TMC1: variants seen among roughly 807,000 people sequenced by gnomAD.
The protein encoded by TMC1 is transmembrane channel-like protein 1.
TMC1 carries 84 observed loss-of-function variants against 105.8 expected under a neutral mutation model. The ratio of observed to expected loss-of-function variants is 0.79; its 90% CI spans 0.67 to 0.95. The LOEUF is 0.95. TMC1 is among the 40% of genes least tolerant of loss of function. TMC1 has a pLI of 0.00. For synonymous variants in TMC1, 315 were observed against 311.5 expected, an observed-to-expected ratio of 1.01 and a Z score of -0.12; for missense variants, 817 against 914.1, an observed-to-expected ratio of 0.89 and a Z score of 1.37.
At chr9:72,751,001 C>G (rs1827572098) in intron 10 of TMC1, among the ~76,000 whole-genome samples, 1 of 152,180 alleles carries the variant, frequency 6.6e-6, no homozygotes. Flanking sequence ...GATGACATCT[C>G]TGATGTTCTT....
intron 1 of TMC1, among the ~76,000 whole-genome samples, chr9:72,543,940 T>TTCTTTC (rs1554710173): frequency 8.3e-6 from 1 of 120,060 alleles, no homozygotes; most frequent in Non-Finnish European, 1.6e-5. Flanking sequence ...TTCTTTTTCT[T>TTCTTTC]TTTCTTTCTT....
chr9:72,827,689 T>C (rs1405055110), intron 21 of TMC1, among the ~76,000 whole-genome samples: 1 of 152,228 alleles, frequency 6.6e-6, no homozygotes. Context: ...AAGTACAGAT[T>C]TGCTGTGGAA....
At chr9:72,797,381 A>G (rs941486412) in intron 17 of TMC1, among the ~76,000 whole-genome samples, 2 of 152,164 alleles carry the variant, frequency 1.3e-5, no homozygotes, top group South Asian at 2.1e-4. Flanking sequence ...TAAAATTCCT[A>G]TGGAACCAAA....
chr9:72,781,443 A>T (rs948161706), intron 13 of TMC1, among the ~76,000 whole-genome samples: 11 of 152,322 alleles, frequency 7.2e-5, no homozygotes, highest in Middle Eastern at 3.4e-3. Flanking sequence ...CAAAGCTAGC[A>T]GAAGATAAGA....
chr9:72,697,622 T>G lies in TMC1; in HGVS notation c.237-2896T>G, dbSNP rs560300213. On this transcript the variant is annotated intron_variant, in intron 7 of 23. Transcript: ENST00000297784. ...GGTCTCTGAAAGTTGGCCTGTAGGTTTAGTTACCTGGCAAATCCACACATC... is the reference window on the plus strand; with the variant it reads ...GGTCTCTGAAAGTTGGCCTGTAGGTGTAGTTACCTGGCAAATCCACACATC... 2.0e-5 allele frequency among the ~76,000 whole-genome samples: 3 copies of G among 152,248 alleles called. No individual in the cohort carries two copies. The South Asian group carries it at 6.2e-4, about 32-fold the overall frequency.
chr9:72,802,252 TATATAC>T (rs1564564676), intron 17 of TMC1, among the ~76,000 whole-genome samples: 13 of 145,638 alleles, frequency 8.9e-5, no homozygotes, highest in Non-Finnish European at 1.4e-4. Flanking sequence ...CATACATACA[TATATAC>T]ATACATACAT....
chr9:72,756,722 C>G (rs1024769793), intron 12 of TMC1, among the ~76,000 whole-genome samples: 3 of 152,058 alleles, frequency 2.0e-5, no homozygotes, highest in African/African-American at 7.2e-5. Flanking sequence ...AACAAAAGGT[C>G]TTTTGATTTT....
chr9:72,572,418 C>G (rs1488932234), intron 1 of TMC1, among the ~76,000 whole-genome samples: 4 of 152,250 alleles, frequency 2.6e-5, no homozygotes, highest in Middle Eastern at 6.8e-3. Flanking sequence ...TGGTCTTGAA[C>G]TGCTGGCTTC....
chr9:72,546,815 CT>C (rs2132068651), intron 1 of TMC1, among the ~76,000 whole-genome samples: 1 of 152,290 alleles, frequency 6.6e-6, no homozygotes, highest in Non-Finnish European at 1.5e-5. Context: ...GAAAAATCTA[CT>C]GATTTTCTTG....
Position 72,656,204 on chromosome 9 carries a change from G to A in TMC1, c.16+7540G>A, listed in dbSNP as rs115076327. The A allele has an allele frequency of 1.7e-3, 900 of 526,386 alleles. 4 individuals carry two copies. Among genetic ancestry groups the A allele is most frequent in the African/African-American group, 0.012 (639 of 52,890 alleles). The allele number at this position is 526,386 out of a possible 1,614,324, so 32.6% of individuals were successfully genotyped here. ...TCCTTAAAAGCCATCACTGCTGCGCGGCTTCCTGACCTACTTGTTCCGGCA... is the reference window on the plus strand; with the variant it reads ...TCCTTAAAAGCCATCACTGCTGCGCAGCTTCCTGACCTACTTGTTCCGGCA... On this transcript the variant is annotated intron_variant, in intron 5 of 23. Transcript: ENST00000297784.
Position 72,791,923 on chromosome 9 carries a change from C to T in TMC1, c.1262C>T (p.Pro421Leu). ...ATGTCCCTCCTAGGGATGTTCTGTC[C>T]AACATTGTTTGACTTATTTGCTGAA... is the stretch of plus-strand genomic sequence containing the variant. The part of the protein sequence containing the change: ...MVMSLLGMFC[P>L]TLFDLFAELE... The change falls in exon 16 of 24, where the codon CCA (proline) becomes CTA (leucine). Residue 421 changes from proline (P) to leucine (L), a missense_variant. Transcript: ENST00000297784. The T allele has an allele frequency of 6.2e-7, 1 of 1,613,474 alleles. No homozygotes were observed. Among genetic ancestry groups the T allele is most frequent in the Non-Finnish European group, 8.5e-7 (1 of 1,179,920 alleles).
At chr9:72,551,590 C>T (rs920893963) in intron 1 of TMC1, among the ~76,000 whole-genome samples, 3 of 152,154 alleles carry the variant, frequency 2.0e-5, no homozygotes, top group African/African-American at 7.2e-5. Flanking sequence ...TGAAGTCTTC[C>T]AAGCTTTATC....
intron 2 of TMC1, among the ~76,000 whole-genome samples, chr9:72,585,968 C>G (rs1006797173): frequency 6.6e-6 from 1 of 152,082 alleles, no homozygotes; most frequent in Non-Finnish European, 1.5e-5. Flanking sequence ...TTTAAAACAG[C>G]AAGAAGAGCT....
chr9:72,809,708 A>C (rs1828664777), intron 18 of TMC1, among the ~76,000 whole-genome samples: 1 of 152,186 alleles, frequency 6.6e-6, no homozygotes, highest in Admixed American at 6.5e-5. Context: ...AATATTTTAA[A>C]ATGAGAGCTC....
At chr9:72,723,347 CTT>C (rs1422833307) in intron 8 of TMC1, among the ~76,000 whole-genome samples, 2 of 152,132 alleles carry the variant, frequency 1.3e-5, no homozygotes, top group Non-Finnish European at 2.9e-5. Flanking sequence ...AAGTGGAACA[CTT>C]TTTATTCAAG....
Position 72,837,971 on chromosome 9 carries a change from G to C in TMC1, c.*1998G>C, listed in dbSNP as rs1829152102. The C allele has an allele frequency of 6.6e-6, 1 of 152,116 alleles. No individual in the cohort carries two copies. The highest frequency in any genetic ancestry group is 1.5e-5 in the Non-Finnish European group (1 of 68,016). The allele number at this position is 152,116 out of a possible 1,614,324, so 9.4% of individuals were successfully genotyped here. Reference sequence around the variant, plus strand: ...ATTTATATTGATTTTCATGTGACTTGTAATGGTTCCTTATTATTTTTTGAT... The same window carrying C: ...ATTTATATTGATTTTCATGTGACTTCTAATGGTTCCTTATTATTTTTTGAT... On this transcript the variant is annotated 3_prime_UTR_variant, in exon 24 of 24. Transcript: ENST00000297784.
At chr9:72,715,100 C>T (rs1826896138) in intron 8 of TMC1, among the ~76,000 whole-genome samples, 1 of 152,062 alleles carries the variant, frequency 6.6e-6, no homozygotes, top group Non-Finnish European at 1.5e-5. Context: ...GCACTGTCTT[C>T]TGGCTTGTAG....
intron 21 of TMC1, 74 bp downstream of exon 21, chr9:72,827,068 C>G (rs763013724): frequency 3.1e-6 from 5 of 1,591,694 alleles, no homozygotes; most frequent in Non-Finnish European, 4.3e-6. Context: ...TCAGCTTTTT[C>G]AGCTCTCTCA....
intron 1 of TMC1, among the ~76,000 whole-genome samples, chr9:72,559,837 C>T (rs1824014977): frequency 6.6e-6 from 1 of 152,148 alleles, no homozygotes; most frequent in Admixed American, 6.6e-5. Flanking sequence ...AGGTCAACAA[C>T]CATGTCCAAT....
Sources: allele counts gnomAD v4.1 joint callset (sites outside exome capture counted in the v4.1 genomes callset), GRCh38; gene constraint gnomAD v4.1.1; transcripts MANE v1.5; gene names NCBI Gene and HGNC (gene_info 2026-07-23, HGNC 2026-07-21).